Variants in TRABD2B observed in about 807,000 individuals in gnomAD.
TRABD2B encodes TraB domain containing 2B.
In TRABD2B, 14 loss-of-function variants were observed where a neutral mutation model predicts 40.1. That is an observed-to-expected ratio of 0.35 (90% confidence interval 0.23 to 0.55). TRABD2B has a LOEUF of 0.55. Ranked by LOEUF, TRABD2B falls within the 20% of genes least tolerant of loss-of-function variation. The pLI is 0.90. For synonymous variants in TRABD2B, 263 were observed against 277.0 expected, an observed-to-expected ratio of 0.95 and a Z score of 0.50; for missense variants, 541 against 648.6, an observed-to-expected ratio of 0.83 and a Z score of 1.80.
intron 2 of TRABD2B, among the ~76,000 whole-genome samples, chr1:47,864,668 T>C (rs1407163858): frequency 6.6e-6 from 1 of 152,178 alleles, no homozygotes; most frequent in Non-Finnish European, 1.5e-5. Context: ...TTCCTTCTTC[T>C]GCATCAGGCT....
At chr1:47,931,600 G>A (rs984118064) in intron 2 of TRABD2B, among the ~76,000 whole-genome samples, 4 of 152,104 alleles carry the variant, frequency 2.6e-5, no homozygotes, top group African/African-American at 9.7e-5. Flanking sequence ...GTTCAACTAT[G>A]CTTCTGGAGA....
intron 3 of TRABD2B, among the ~76,000 whole-genome samples, chr1:47,799,707 G>A (rs1306305183): frequency 3.9e-5 from 6 of 152,060 alleles, no homozygotes; most frequent in Admixed American, 6.5e-5. Flanking sequence ...ACCCCTCTCC[G>A]GCTCACTGGT....
chr1:47,848,409 G>A (rs1250409753), intron 2 of TRABD2B, among the ~76,000 whole-genome samples: 1 of 152,194 alleles, frequency 6.6e-6, no homozygotes, highest in African/African-American at 2.4e-5. Context: ...CAGGATCAGG[G>A]CTCAGGCTAT....
chr1:47,918,167 C>G (rs1308317197), intron 2 of TRABD2B, among the ~76,000 whole-genome samples: 2 of 152,166 alleles, frequency 1.3e-5, no homozygotes, highest in Non-Finnish European at 2.9e-5. Flanking sequence ...GACCTGAGAC[C>G]CTGGCAGTAC....
At chr1:47,904,956 A>G (rs1026571943) in intron 2 of TRABD2B, among the ~76,000 whole-genome samples, 4 of 152,234 alleles carry the variant, frequency 2.6e-5, no homozygotes, top group Non-Finnish European at 5.9e-5. Flanking sequence ...TTAAGTTAAC[A>G]TACTCTGATT....
At chr1:47,963,707 T>C (rs1294682769) in intron 2 of TRABD2B, among the ~76,000 whole-genome samples, 2 of 152,250 alleles carry the variant, frequency 1.3e-5, no homozygotes. Flanking sequence ...TGCTTGCATG[T>C]GTGGTACATT....
At chr1:47,958,793 G>C (rs1373351820) in intron 2 of TRABD2B, among the ~76,000 whole-genome samples, 3 of 152,132 alleles carry the variant, frequency 2.0e-5, no homozygotes, top group East Asian at 1.9e-4. Context: ...GTCAACATTA[G>C]TCAGATCAGT....
At chr1:47,835,550 A>T (rs1019673450) in intron 2 of TRABD2B, among the ~76,000 whole-genome samples, 1 of 152,248 alleles carries the variant, frequency 6.6e-6, no homozygotes, top group Non-Finnish European at 1.5e-5. Context: ...CTGAACCATC[A>T]TACAGCTCAG....
At chr1:47,991,855 G>A (rs1038596046) in intron 2 of TRABD2B, among the ~76,000 whole-genome samples, 5 of 152,132 alleles carry the variant, frequency 3.3e-5, no homozygotes, top group Admixed American at 6.5e-5. Context: ...CTGTGCACGC[G>A]TGCATGTAAT....
chr1:47,875,302 T>C (rs974086676), intron 2 of TRABD2B, among the ~76,000 whole-genome samples: 2 of 151,278 alleles, frequency 1.3e-5, no homozygotes, highest in Non-Finnish European at 2.9e-5. Flanking sequence ...GAGTGTTCTT[T>C]AGTATTCACG....
intron 2 of TRABD2B, among the ~76,000 whole-genome samples, chr1:47,959,799 A>G (rs1193279425): frequency 6.6e-6 from 1 of 152,212 alleles, no homozygotes; most frequent in African/African-American, 2.4e-5. Flanking sequence ...AGGAGCTGGT[A>G]CCATTCCTTC....
At position 47,838,962 on chromosome 1, in the gene TRABD2B, T is replaced by C. The variant is rs937893385; in HGVS notation, c.667-37343A>G. Among the ~76,000 whole-genome samples the C allele has an allele frequency of 2.5e-4, 38 of 152,212 alleles. 1 individual carries two copies. Among genetic ancestry groups the C allele is most frequent in the Non-Finnish European group, 4.9e-4 (33 of 68,030 alleles). On this transcript the variant is annotated intron_variant, in intron 2 of 6. Coordinates refer to ENST00000606738, the MANE Select transcript of TRABD2B (RefSeq NM_001194986.2). ...TGGCTTGCGGCCTGGGCTGTTTCTGTCTGCCCTTGTTACTCTGATACCCTC... is the reference window on the plus strand; with the variant it reads ...TGGCTTGCGGCCTGGGCTGTTTCTGCCTGCCCTTGTTACTCTGATACCCTC...
intron 2 of TRABD2B, among the ~76,000 whole-genome samples, chr1:47,860,039 T>C (rs1221783635): frequency 6.6e-6 from 1 of 152,142 alleles, no homozygotes; most frequent in African/African-American, 2.4e-5. Flanking sequence ...CTGCACTACC[T>C]TGTGTGCCTC....
intron 2 of TRABD2B, among the ~76,000 whole-genome samples, chr1:47,971,521 G>A (rs754247009): frequency 9.2e-5 from 14 of 152,058 alleles, no homozygotes; most frequent in Non-Finnish European, 1.9e-4. Context: ...AATTTATCCA[G>A]GTCTACCTTG....
intron 2 of TRABD2B, among the ~76,000 whole-genome samples, chr1:47,980,630 C>T (rs1645828102): frequency 6.6e-6 from 1 of 152,206 alleles, no homozygotes; most frequent in Non-Finnish European, 1.5e-5. Flanking sequence ...CCCTGCCCTA[C>T]ACTAGAAAGC....
intron 2 of TRABD2B, among the ~76,000 whole-genome samples, chr1:47,986,987 G>A (rs1056828382): frequency 6.6e-6 from 1 of 152,184 alleles, no homozygotes; most frequent in Non-Finnish European, 1.5e-5. Context: ...AAGGGGAAAA[G>A]AGCGTCAGCA....
chr1:47,805,926 G>GT (rs958628505), intron 2 of TRABD2B, among the ~76,000 whole-genome samples: 10 of 152,282 alleles, frequency 6.6e-5, no homozygotes, highest in African/African-American at 2.4e-4. Context: ...TATCCTCCTA[G>GT]TTAACCACTG....
At chr1:47,766,971 G>T (rs1001929314) in intron 6 of TRABD2B, among the ~76,000 whole-genome samples, 2 of 152,186 alleles carry the variant, frequency 1.3e-5, no homozygotes, top group South Asian at 4.1e-4. Context: ...CCCAGCACAC[G>T]GTGGCCTTGG....
At chr1:47,783,685 A>C (rs994663387) in intron 4 of TRABD2B, among the ~76,000 whole-genome samples, 77 of 152,204 alleles carry the variant, frequency 5.1e-4, no homozygotes, top group Non-Finnish European at 8.5e-4. Flanking sequence ...ATGATGTTTT[A>C]GTGCAAAGAA....
Sources: allele counts gnomAD v4.1 joint callset (sites outside exome capture counted in the v4.1 genomes callset), GRCh38; gene constraint gnomAD v4.1.1; transcripts MANE v1.5; gene names NCBI Gene and HGNC (gene_info 2026-07-23, HGNC 2026-07-21).